KAZN: variants seen among roughly 807,000 people sequenced by gnomAD.
The protein encoded by KAZN is kazrin, periplakin interacting protein.
Under a neutral mutation model 87.4 loss-of-function variants are expected in KAZN, and 40 were observed. That is an observed-to-expected ratio of 0.46 (90% CI 0.36 to 0.60). The LOEUF is 0.60. Among genes scored for constraint, KAZN ranks in the 20% least tolerant of loss-of-function variants. The pLI, the probability that KAZN is intolerant of heterozygous loss-of-function variation, is 0.00. For synonymous variants in KAZN, 466 were observed against 458.3 expected, an observed-to-expected ratio of 1.02 and a Z score of -0.22; for missense variants, 898 against 1,073.9, an observed-to-expected ratio of 0.84 and a Z score of 2.29.
At chr1:14,277,329 C>T (rs1250920313) in intron 2 of KAZN, among the ~76,000 whole-genome samples, 5 of 152,132 alleles carry the variant, frequency 3.3e-5, no homozygotes, top group Non-Finnish European at 5.9e-5. Flanking sequence ...GCCACAATGC[C>T]ATTTGTAACA....
rs948479121 is a variant in KAZN, at chr1:14,773,259, A to G, written c.226+174036A>G. ...ATCTGATACTGAGATCCCGCTAGTCATGGGGTGAGCTACAGTGGGACTGTG... is the reference window on the plus strand; with the variant it reads ...ATCTGATACTGAGATCCCGCTAGTCGTGGGGTGAGCTACAGTGGGACTGTG... On this transcript the variant is annotated intron_variant, in intron 1 of 14. Transcript: ENST00000376030. The surrounding 1 kb of genome is among the most constrained non-coding windows in gnomAD (Gnocchi z 5.9). Among the ~76,000 whole-genome samples, 1 of 152,152 alleles carries G rather than the reference A, an allele frequency of 6.6e-6. No homozygotes were observed. The highest frequency in any genetic ancestry group is 1.9e-4 in the East Asian group (1 of 5,176).
chr1:15,022,292 C>T (rs1670752825), intron 2 of KAZN, among the ~76,000 whole-genome samples: 1 of 152,194 alleles, frequency 6.6e-6, no homozygotes, highest in Non-Finnish European at 1.5e-5. Flanking sequence ...CAGGGTGCTG[C>T]TTCCTTCTCA....
intron 2 of KAZN, among the ~76,000 whole-genome samples, chr1:14,381,371 A>G (rs1661354843): frequency 7.7e-6 from 1 of 129,478 alleles, no homozygotes; most frequent in South Asian, 2.6e-4. Flanking sequence ...CCGGACAATC[A>G]AAAAAAAAAA....
intron 1 of KAZN, among the ~76,000 whole-genome samples, chr1:14,905,003 C>T (rs1415177965): frequency 6.6e-6 from 1 of 152,016 alleles, no homozygotes; most frequent in African/African-American, 2.4e-5. Context: ...CCTCGTGATC[C>T]GCCCACCTCG....
At chr1:14,241,123 T>C (rs990240786) in intron 2 of KAZN, among the ~76,000 whole-genome samples, 1 of 152,200 alleles carries the variant, frequency 6.6e-6, no homozygotes, top group African/African-American at 2.4e-5. Context: ...GGACATTGGG[T>C]GAAACCACAC....
intron 1 of KAZN, among the ~76,000 whole-genome samples, chr1:14,039,159 G>A (rs906108940): frequency 7.9e-6 from 1 of 126,202 alleles, no homozygotes; most frequent in Non-Finnish European, 1.6e-5. Context: ...GTCAGAGTGA[G>A]ACTCTGTCTC....
chr1:14,321,330 G>C (rs1656038958), intron 2 of KAZN, among the ~76,000 whole-genome samples: 1 of 152,180 alleles, frequency 6.6e-6, no homozygotes, highest in African/African-American at 2.4e-5. Flanking sequence ...CGAGCAAGGG[G>C]AAAAGGAGAT....
chr1:14,805,246 A>C (rs1236023043), intron 1 of KAZN, among the ~76,000 whole-genome samples: 1 of 152,178 alleles, frequency 6.6e-6, no homozygotes, highest in African/African-American at 2.4e-5. Flanking sequence ...CCAGAGACCC[A>C]GATTCCTTCT....
chr1:14,659,451 AATC>A (rs754544160), intron 1 of KAZN, among the ~76,000 whole-genome samples: 2 of 152,078 alleles, frequency 1.3e-5, no homozygotes, highest in African/African-American at 2.4e-5. Context: ...AGGGAATAAA[AATC>A]ATCACTTACC....
intron 2 of KAZN, among the ~76,000 whole-genome samples, chr1:14,478,249 A>AAG (rs1668869099): frequency 2.0e-5 from 2 of 101,476 alleles, no homozygotes; most frequent in African/African-American, 9.8e-5. Context: ...AGGAAGGAAA[A>AAG]GAAGGAAGGA....
At chr1:14,352,176 T>G (rs1400736236) in intron 2 of KAZN, among the ~76,000 whole-genome samples, 1 of 152,188 alleles carries the variant, frequency 6.6e-6, no homozygotes, top group East Asian at 1.9e-4. Context: ...TAACAGCCTT[T>G]ATCATGAAAA....
intron 1 of KAZN, among the ~76,000 whole-genome samples, chr1:14,884,115 C>T (rs535446543): frequency 1.4e-4 from 21 of 152,204 alleles, no homozygotes; most frequent in African/African-American, 4.1e-4. Flanking sequence ...AAGTTCAGGC[C>T]GGGCGCGGGG....
In KAZN at chr1:14,133,376, AAAAAGAAAGAAAGAAAGAAAGAAAGAAAG is replaced by A. The variant is rs1172538015; in HGVS notation, c.92-47055_92-47027del. Among the ~76,000 whole-genome samples, 31 of 75,922 alleles carry A rather than the reference AAAAAGAAAGAAAGAAAGAAAGAAAGAAAG, an allele frequency of 4.1e-4. 1 individual carries two copies. The highest frequency in any genetic ancestry group is 6.3e-3 in the Middle Eastern group (1 of 160). 49.8% of individuals were successfully genotyped at this position (75,922 alleles called of 152,430 possible). On this transcript the variant is annotated intron_variant, in intron 1 of 16. Transcript: ENST00000636203. Reference sequence around the variant, plus strand: ...GTGAGACTCCCTCTCAAAAAAAAAAAAAAAGAAAGAAAGAAAGAAAGAAAGAAAGAAAGAAAGAAAGAAAGAAAGAAAGA... The same window carrying A: ...GTGAGACTCCCTCTCAAAAAAAAAAAAAAGAAAGAAAGAAAGAAAGAAAGA...
intron 2 of KAZN, among the ~76,000 whole-genome samples, chr1:15,032,897 C>T (rs991426360): frequency 6.6e-6 from 1 of 151,278 alleles, no homozygotes; most frequent in African/African-American, 2.4e-5. Context: ...TGCAGTGAGC[C>T]GAAATCGCGG....
At chr1:14,213,749 C>T (rs1260049532) in intron 2 of KAZN, among the ~76,000 whole-genome samples, 2 of 152,070 alleles carry the variant, frequency 1.3e-5, no homozygotes, top group Non-Finnish European at 2.9e-5. Context: ...TGGGGGGAGA[C>T]TAGTCTATGT....
chr1:14,071,752 C>T (rs1020193272), intron 1 of KAZN, among the ~76,000 whole-genome samples: 1 of 152,292 alleles, frequency 6.6e-6, no homozygotes, highest in Middle Eastern at 3.4e-3. Flanking sequence ...TGTCAGGCAG[C>T]CTTTGTGGAC....
rs138177579 is a variant in KAZN at position 15,016,671 on chromosome 1, C to T, written c.419-18078C>T. Among the ~76,000 whole-genome samples the T allele has an allele frequency of 2.0e-4, 30 of 152,310 alleles. No individual in the cohort carries two copies. The East Asian group carries it at 3.5e-3, about 18-fold the overall frequency. The stretch of plus-strand genomic sequence containing the variant: ...AACTGACGCAAGTGGCTTCCCACTT[C>T]CCTGCAGGGAAACCCAGGCTCATCT... On this transcript the variant is annotated intron_variant, in intron 2 of 14. Coordinates refer to ENST00000376030, the MANE Select transcript of KAZN (RefSeq NM_201628.3).
At chr1:14,219,471 G>A (rs1465144315) in intron 2 of KAZN, among the ~76,000 whole-genome samples, 2 of 152,014 alleles carry the variant, frequency 1.3e-5, no homozygotes, top group Non-Finnish European at 2.9e-5. Context: ...CATATATAAT[G>A]TACCTTTTTA....
At chr1:14,275,311 A>G (rs1652259964) in intron 2 of KAZN, among the ~76,000 whole-genome samples, 1 of 152,176 alleles carries the variant, frequency 6.6e-6, no homozygotes, top group Non-Finnish European at 1.5e-5. Flanking sequence ...TTTATTAGAA[A>G]TACAGATTCT....
Sources: gnomAD v4.1 joint callset for allele counts (sites outside exome capture counted in the v4.1 genomes callset) on GRCh38, gnomAD v4.1.1 for gene constraint, Gnocchi (gnomAD v3.1) non-coding constraint, MANE v1.5 for transcripts, NCBI Gene and HGNC (gene_info 2026-07-23, HGNC 2026-07-21) for gene names.